Variants in KIF6 observed in about 807,000 individuals in gnomAD.
KIF6 encodes the protein kinesin family member 6.
A neutral mutation model predicts 112.7 loss-of-function variants in KIF6; 106 were observed. The observed-to-expected ratio is 0.94, with a 90% CI of 0.80 to 1.11. KIF6 has a LOEUF of 1.11. Ranked by LOEUF, KIF6 falls within the 50% of genes least tolerant of loss-of-function variation. The pLI is 0.00. For missense variants in KIF6, 929 were observed against 964.0 expected, an observed-to-expected ratio of 0.96 and a Z score of 0.48; for synonymous variants, 339 against 339.9, an observed-to-expected ratio of 1.00 and a Z score of 0.03.
chr6:39,697,459 C>T (rs1280994932), intron 3 of KIF6, among the ~76,000 whole-genome samples: 1 of 152,154 alleles, frequency 6.6e-6, no homozygotes, highest in Admixed American at 6.5e-5. Context: ...CAATAAATTC[C>T]CTTTTGCAGG....
rs1778139850 is a variant in KIF6, at chr6:39,532,624, A to G, written c.1645+7379T>C. Among the ~76,000 whole-genome samples the G allele has an allele frequency of 3.9e-5, 6 of 152,180 alleles. 1 individual carries two copies. Among genetic ancestry groups the G allele is most frequent in the Admixed American group, 3.9e-4 (6 of 15,286 alleles). On this transcript the variant is annotated intron_variant, in intron 13 of 22. Coordinates refer to ENST00000287152, the MANE Select transcript of KIF6 (RefSeq NM_145027.6). Reference sequence around the variant, plus strand: ...GAAAAAATATTCAAAGCAAGGAGAAATGGAATTAAGAGATAAAGAATTGTA... The same window carrying G: ...GAAAAAATATTCAAAGCAAGGAGAAGTGGAATTAAGAGATAAAGAATTGTA...
chr6:39,539,192 A>C (rs1778638260), intron 13 of KIF6, among the ~76,000 whole-genome samples: 1 of 151,834 alleles, frequency 6.6e-6, no homozygotes, highest in Non-Finnish European at 1.5e-5. Context: ...TATTGTGCAC[A>C]TGTACCCGAA....
intron 9 of KIF6, chr6:39,583,151 C>A (rs1561834948): frequency 1.2e-5 from 3 of 257,356 alleles, no homozygotes; most frequent in East Asian, 1.8e-4. Flanking sequence ...AACAAACAAA[C>A]AAACAAACAA....
At chr6:39,711,966 G>A (rs547759596) in intron 3 of KIF6, among the ~76,000 whole-genome samples, 133 of 152,024 alleles carry the variant, frequency 8.7e-4, no homozygotes, top group African/African-American at 3.1e-3. Context: ...TTAAATATCT[G>A]AATTTAAACT....
intron 19 of KIF6, among the ~76,000 whole-genome samples, chr6:39,346,958 A>G (rs896857594): frequency 9.9e-5 from 15 of 152,268 alleles, no homozygotes; most frequent in African/African-American, 3.4e-4. Context: ...CTACACAGTA[A>G]TTTTCATTGT....
chr6:39,520,690 TG>T (rs1393669021), intron 13 of KIF6, among the ~76,000 whole-genome samples: 4 of 152,164 alleles, frequency 2.6e-5, no homozygotes, highest in Non-Finnish European at 5.9e-5. Context: ...TAAAAGACAG[TG>T]TAACAGGTGA....
At chr6:39,486,172 T>TCC (rs1775100796) in intron 13 of KIF6, among the ~76,000 whole-genome samples, 1 of 152,222 alleles carries the variant, frequency 6.6e-6, no homozygotes, top group Non-Finnish European at 1.5e-5. Flanking sequence ...TAATAAGATA[T>TCC]CACGGAAGTA....
chr6:39,437,178 T>C (rs1562216023), intron 13 of KIF6, among the ~76,000 whole-genome samples: 1 of 152,214 alleles, frequency 6.6e-6, no homozygotes, highest in Non-Finnish European at 1.5e-5. Context: ...TTGGTCCTTG[T>C]TGATGTAAGC....
At chr6:39,681,819 G>A (rs781582174) in intron 3 of KIF6, among the ~76,000 whole-genome samples, 2 of 152,176 alleles carry the variant, frequency 1.3e-5, no homozygotes, top group Non-Finnish European at 2.9e-5. Flanking sequence ...AGCATGCCCC[G>A]TGGAATTCAC....
intron 13 of KIF6, among the ~76,000 whole-genome samples, chr6:39,520,996 C>T (rs1320007650): frequency 6.6e-6 from 1 of 152,160 alleles, no homozygotes; most frequent in Non-Finnish European, 1.5e-5. Flanking sequence ...GTTCATCTAT[C>T]GTGTTTCCAA....
intron 5 of KIF6, among the ~76,000 whole-genome samples, chr6:39,623,615 T>C (rs893652891): frequency 6.6e-6 from 1 of 152,198 alleles, no homozygotes; most frequent in Non-Finnish European, 1.5e-5. Context: ...TACTAATAGA[T>C]AATAGCTGGC....
intron 14 of KIF6, among the ~76,000 whole-genome samples, chr6:39,425,401 C>T (rs1770694390): frequency 6.6e-6 from 1 of 152,138 alleles, no homozygotes; most frequent in Non-Finnish European, 1.5e-5. Flanking sequence ...ACCCTGGCTG[C>T]CTCCACTTTA....
intron 13 of KIF6, among the ~76,000 whole-genome samples, chr6:39,433,617 G>A: frequency 6.6e-6 from 1 of 152,208 alleles, no homozygotes; most frequent in Middle Eastern, 3.2e-3. Context: ...GGTGACCACA[G>A]GTGAAGGCCA....
At chr6:39,587,910 A>G (rs946966129) in intron 7 of KIF6, among the ~76,000 whole-genome samples, 7 of 152,228 alleles carry the variant, frequency 4.6e-5, no homozygotes, top group Non-Finnish European at 1.0e-4. Context: ...CAAGGTCATC[A>G]GCAACCTTCA....
At chr6:39,398,811 T>A (rs1253928820) in intron 15 of KIF6, among the ~76,000 whole-genome samples, 9 of 152,224 alleles carry the variant, frequency 5.9e-5, no homozygotes. Context: ...ACTTTGGATG[T>A]TGTGATGGTT....
In KIF6 at chr6:39,423,408, C is replaced by T. The variant is rs183730431; in HGVS notation, c.1755-3405G>A. On this transcript the variant is annotated intron_variant, in intron 14 of 22. Transcript: ENST00000287152. Reference sequence around the variant, plus strand: ...TCTCAGTCTCCTTTGCTGATGTGTTCTGCAGCCTGTTCCTTGAATGTTGAT... The same window carrying T: ...TCTCAGTCTCCTTTGCTGATGTGTTTTGCAGCCTGTTCCTTGAATGTTGAT... Among the ~76,000 whole-genome samples, 6 of 152,144 alleles carry T rather than the reference C, an allele frequency of 3.9e-5. No individual in the cohort carries two copies. In the East Asian group the frequency reaches 7.8e-4, roughly 20 times the overall value.
chr6:39,475,222 T>C (rs1413320119), intron 13 of KIF6, among the ~76,000 whole-genome samples: 1 of 152,112 alleles, frequency 6.6e-6, no homozygotes, highest in East Asian at 1.9e-4. Context: ...ATGGAAATAA[T>C]TACCCTCCCT....
At chr6:39,623,352 C>G (rs1207619354) in intron 5 of KIF6, among the ~76,000 whole-genome samples, 1 of 152,086 alleles carries the variant, frequency 6.6e-6, no homozygotes, top group Non-Finnish European at 1.5e-5. Flanking sequence ...TTTGGAATTT[C>G]ATTGAACCTA....
rs566496712 is a variant in KIF6, at chr6:39,630,021, C to A, written c.509+4828G>T. Among the ~76,000 whole-genome samples, 134 of 152,112 alleles carry A rather than the reference C, an allele frequency of 8.8e-4. 1 individual carries two copies. The highest frequency in any genetic ancestry group is 2.1e-3 in the South Asian group (10 of 4,824). ...ATTTTTAAGGGTCTATTTCTGGGCT[C>A]CCTATTCTGTTCCATTGATATATGT... On this transcript the variant is annotated intron_variant, in intron 5 of 22. Coordinates refer to ENST00000287152, the MANE Select transcript of KIF6 (RefSeq NM_145027.6).
Sources: allele counts gnomAD v4.1 joint callset (sites outside exome capture counted in the v4.1 genomes callset), GRCh38; gene constraint gnomAD v4.1.1; transcripts MANE v1.5; gene names NCBI Gene and HGNC (gene_info 2026-07-23, HGNC 2026-07-21).